PSMD3: variants seen among roughly 807,000 people sequenced by gnomAD.
The protein encoded by PSMD3 is 26S proteasome non-ATPase regulatory subunit 3.
In PSMD3, 5 loss-of-function variants were observed where a neutral mutation model predicts 62.8. That is an observed-to-expected ratio of 0.08 (90% CI 0.04 to 0.17). PSMD3 has a LOEUF of 0.17. PSMD3 is among the 10% of genes least tolerant of loss of function. PSMD3 has a pLI of 1.00. For synonymous variants in PSMD3, 265 were observed against 283.9 expected, an observed-to-expected ratio of 0.93 and a Z score of 0.67; for missense variants, 524 against 713.6, an observed-to-expected ratio of 0.73 and a Z score of 3.03.
intron 6 of PSMD3, chr17:39,992,983 T>C (rs11658328): frequency 0.56 from 85,435 of 152,194 alleles, 24,246 homozygotes; most frequent in Middle Eastern, 0.74. Context: ...CTCTTCAGCC[T>C]GTACATTACT....
Position 39,995,621 on chromosome 17 carries a change from TA to T in PSMD3, c.1320+95del, listed in dbSNP as rs1980764479. 1 of 1,230,170 alleles carries T rather than the reference TA, an allele frequency of 8.1e-7. No individual in the cohort carries two copies. Among genetic ancestry groups the T allele is most frequent in the South Asian group, 1.3e-5 (1 of 79,476 alleles). The allele number at this position is 1,230,170 out of a possible 1,614,324, so 76.2% of individuals were successfully genotyped here. A position where few individuals can be genotyped will look rare whatever the true frequency, so the allele number is the denominator to read the frequency against. ...GGAGGAGTTTGGCCAAGGAGGGGAA[TA>T]GGTAAAGCAATGGCATAGTCATTTC... is the stretch of plus-strand genomic sequence containing the variant. On this transcript the variant is annotated intron_variant, in intron 9 of 11. Transcript: ENST00000264639. The surrounding 1 kb of genome is among the most constrained non-coding windows in gnomAD (Gnocchi z 4.1).
Position 39,997,599 on chromosome 17 carries a change from G to T in PSMD3, c.*18G>T. ...TCCCTTGAGCTGGGGGGCTGGGGAG[G>T]GGTAGGGGGAATGGGGACAGGCTCT... On this transcript the variant is annotated 3_prime_UTR_variant, in exon 12 of 12. Coordinates refer to ENST00000264639, the MANE Select transcript of PSMD3 (RefSeq NM_002809.4). 1 of 1,607,068 alleles carries T rather than the reference G, an allele frequency of 6.2e-7. No homozygotes were observed. The highest frequency in any genetic ancestry group is 8.5e-7 in the Non-Finnish European group (1 of 1,174,532).
At position 39,994,962 on chromosome 17, in the gene PSMD3, G is replaced by A. The variant is rs372154095; in HGVS notation, c.990G>A (p.Lys330=). The stretch of plus-strand genomic sequence containing the variant: ...CCTGTCACTCTGTCCAGGTGCACAA[G>A]CTTCTCATCGTGGTGGAGCTGTTGC... ...TAVGFKQTVH[K]LLIVVELLLG... The change falls in exon 7 of 12, where the codon AAG becomes AAA. Residue 330 remains lysine (K), a synonymous_variant. Coordinates refer to ENST00000264639, the MANE Select transcript of PSMD3 (RefSeq NM_002809.4). The A allele has an allele frequency of 2.5e-6, 4 of 1,614,160 alleles. No homozygotes were observed. The highest frequency in any genetic ancestry group is 3.4e-6 in the Non-Finnish European group (4 of 1,180,026).
At chr17:39,989,966 T>C (rs777437527) in intron 5 of PSMD3, 37 bp downstream of exon 5, 1 of 1,599,042 alleles carries the variant, frequency 6.3e-7, no homozygotes, top group South Asian at 1.1e-5. Context: ...TCAGAAGGTG[T>C]CTCAGGCCTG....
In PSMD3 at chr17:39,986,115, A is replaced by G. The variant is rs74360776; in HGVS notation, c.412-460A>G. Among the ~76,000 whole-genome samples, 704 of 152,128 alleles carry G rather than the reference A, an allele frequency of 4.6e-3. 4 individuals are homozygous for G. The Middle Eastern group carries it at 0.065, about 14-fold the overall frequency. On this transcript the variant is annotated intron_variant, in intron 2 of 11. Coordinates refer to ENST00000264639, the MANE Select transcript of PSMD3 (RefSeq NM_002809.4). ...CTCCTTGACTTGTTTTGTTTTTTTGAGATGGGGTCTTGCTCTGTCACCCAG... is the reference window on the plus strand; with the variant it reads ...CTCCTTGACTTGTTTTGTTTTTTTGGGATGGGGTCTTGCTCTGTCACCCAG...
At chr17:39,990,229 C>CTT (rs4065322) in intron 6 of PSMD3, 32 bp downstream of exon 6, 137,205 of 1,135,002 alleles carry the variant, frequency 0.12, 3,697 homozygotes, top group African/African-American at 0.3. Context: ...CCCTTTGCCT[C>CTT]TTTTTTTTTT....
chr17:39,991,828 C>G (rs544543905), intron 6 of PSMD3, among the ~76,000 whole-genome samples: 1 of 152,036 alleles, frequency 6.6e-6, no homozygotes, highest in Non-Finnish European at 1.5e-5. Context: ...TTGCTTGAGA[C>G]CAACCTGAGC....
At chr17:39,986,510 C>T in intron 2 of PSMD3, 65 bp from the exon 3 acceptor site, 1 of 1,570,906 alleles carries the variant, frequency 6.4e-7, no homozygotes, top group African/African-American at 1.4e-5. Context: ...ATAGTGGATG[C>T]TCAATAAATT....
intron 6 of PSMD3, chr17:39,994,694 G>C: frequency 2.0e-6 from 1 of 506,028 alleles, no homozygotes; most frequent in East Asian, 3.6e-5. Flanking sequence ...GACTACGCGC[G>C]GGGTGGCCAG....
intron 2 of PSMD3, 127 bp from the exon 3 acceptor site, chr17:39,986,448 A>G (rs747203699): frequency 4.1e-5 from 47 of 1,157,936 alleles, no homozygotes; most frequent in Non-Finnish European, 5.7e-5. Flanking sequence ...TATCCCTAGC[A>G]CCTAACAAAA....
rs943109862 is a variant in PSMD3, at chr17:39,986,825, C to G, written c.549+113C>G. ...ATAATCATTGATTCTTAAGAACTGT[C>G]CCCCACACTCTTTCCCCATAGAGGT... On this transcript the variant is annotated intron_variant, in intron 3 of 11. Transcript: ENST00000264639. 2.9e-5 allele frequency: 39 copies of G among 1,345,670 alleles called. No homozygotes were observed. The African/African-American group carries it at 5.1e-4, about 17-fold the overall frequency. The allele number at this position is 1,345,670 out of a possible 1,614,324, so 83.4% of individuals were successfully genotyped here.
chr17:39,990,310 A>T, intron 6 of PSMD3, 113 bp downstream of exon 6: 7 of 902,444 alleles, frequency 7.8e-6, no homozygotes, highest in Non-Finnish European at 1.6e-6. Flanking sequence ...AAGTCCTCCC[A>T]CCTCAGCTTC....
In PSMD3 at chr17:39,981,158, C is replaced by G; in HGVS notation, c.188C>G (p.Ser63Cys). Residue 63 changes from serine to cysteine, a missense_variant, in exon 1 of 12, where the codon TCC becomes TGC. By Grantham distance (112) the Ser-to-Cys change is moderately radical. This residue lies in a region of PSMD3 where 396 missense variants were observed against 475.8 expected (regional missense o/e 0.83). Coordinates refer to ENST00000264639, the MANE Select transcript of PSMD3 (RefSeq NM_002809.4). ...GKTAAAAAEH[S>C]QRELDTVTLE... Reference sequence around the variant, plus strand: ...ACGGCGGCGGCAGCGGCTGAGCACTCCCAGCGAGAGCTGGACACAGTCACC... The same window carrying G: ...ACGGCGGCGGCAGCGGCTGAGCACTGCCAGCGAGAGCTGGACACAGTCACC... The G allele has an allele frequency of 6.4e-7, 1 of 1,550,704 alleles. No individual in the cohort carries two copies. Among genetic ancestry groups the G allele is most frequent in the Non-Finnish European group, 8.7e-7 (1 of 1,146,652 alleles).
Position 39,997,705 on chromosome 17 carries a change from T to A in PSMD3, c.*124T>A, listed in dbSNP as rs899608701. On this transcript the variant is annotated 3_prime_UTR_variant, in exon 12 of 12. Coordinates refer to ENST00000264639, the MANE Select transcript of PSMD3 (RefSeq NM_002809.4). Reference sequence around the variant, plus strand: ...TCATATGCTGCATTCGTGCAGGGGGTGGGGGTGCTGGGAGCCAGCCACCCT... The same window carrying A: ...TCATATGCTGCATTCGTGCAGGGGGAGGGGGTGCTGGGAGCCAGCCACCCT... The A allele has an allele frequency of 4.4e-6, 5 of 1,140,100 alleles. No individual in the cohort carries two copies. In the African/African-American group the frequency reaches 6.2e-5, roughly 14 times the overall value. The allele number at this position is 1,140,100 out of a possible 1,614,324, so 70.6% of individuals were successfully genotyped here.
chr17:39,981,800 A>G (rs1980392015), intron 1 of PSMD3, among the ~76,000 whole-genome samples: 1 of 151,710 alleles, frequency 6.6e-6, no homozygotes, highest in Non-Finnish European at 1.5e-5. Context: ...GTACATACAC[A>G]CTTAAAACTT....
chr17:39,988,313 T>C (rs570359622), intron 3 of PSMD3, among the ~76,000 whole-genome samples: 1 of 152,372 alleles, frequency 6.6e-6, no homozygotes, highest in Non-Finnish European at 1.5e-5. Flanking sequence ...GGACATTTCA[T>C]GTAAATGGAA....
At chr17:39,990,066 G>T in intron 5 of PSMD3, 28 bp from the exon 6 acceptor site, 1 of 1,609,804 alleles carries the variant, frequency 6.2e-7, no homozygotes, top group South Asian at 1.1e-5. Flanking sequence ...CTACTCTGTT[G>T]ACCAACTCTC....
At chr17:39,984,228 C>G in intron 1 of PSMD3, 66 bp from the exon 2 acceptor site, 2 of 914,702 alleles carry the variant, frequency 2.2e-6, no homozygotes, top group Non-Finnish European at 3.2e-6. Context: ...AAAAAGAACT[C>G]CTTGCCTGGA....
At chr17:39,992,032 A>AAAAAAAAAAAAAAAAAAAAAAAAG (rs1790601321) in intron 6 of PSMD3, among the ~76,000 whole-genome samples, 3 of 151,606 alleles carry the variant, frequency 2.0e-5, no homozygotes, top group Non-Finnish European at 2.9e-5. Flanking sequence ...CTCAAAAAAA[A>AAAAAAAAAAAAAAAAAAAAAAAAG]ACAAACATTA....
Sources: allele counts gnomAD v4.1 joint callset (sites outside exome capture counted in the v4.1 genomes callset), GRCh38; gene constraint gnomAD v4.1.1; regional missense constraint gnomAD v4.1.1; non-coding constraint Gnocchi (gnomAD v3.1); transcripts MANE v1.5; gene names NCBI Gene and HGNC (gene_info 2026-07-23, HGNC 2026-07-21).